Variants in RNF17 observed in about 807,000 individuals in gnomAD.
The protein encoded by RNF17 is ring finger protein 17, also known as spermatogenesis associated 23.
In RNF17, 31 loss-of-function variants were observed where a neutral mutation model predicts 200.5. The ratio of observed to expected loss-of-function variants is 0.15; its 90% CI spans 0.12 to 0.21. RNF17 has a LOEUF of 0.21. Among genes scored for constraint, RNF17 ranks in the 10% least tolerant of loss-of-function variants. The pLI, the probability that RNF17 is intolerant of heterozygous loss-of-function variation, is 1.00. For missense variants in RNF17, 1,628 were observed against 1,905.1 expected, an observed-to-expected ratio of 0.85 and a Z score of 2.71; for synonymous variants, 606 against 637.8, an observed-to-expected ratio of 0.95 and a Z score of 0.75.
chr13:24,870,623 G>T lies in RNF17; in HGVS notation c.4331G>T (p.Ser1444Ile), dbSNP rs1332479928. ...IETSNQSNQH[S>I]DTDDSGVSGE... ...ACTTCTAACCAGTCTAACCAGCATA[G>T]TGACACAGATGATAGTGGAGTCAGC... is the stretch of plus-strand genomic sequence containing the variant. Residue 1444 changes from serine (S) to isoleucine (I), a missense_variant, in exon 32 of 36, where the codon AGT (serine) becomes ATT (isoleucine). Ser to Ile is a moderately radical substitution (Grantham distance 142). Around this residue, in one of 5 missense-constraint regions of RNF17, gnomAD observed 609 missense variants for 681.9 expected, o/e 0.89. Coordinates refer to ENST00000255324, the MANE Select transcript of RNF17 (RefSeq NM_031277.3). The T allele has an allele frequency of 1.2e-6, 2 of 1,613,958 alleles. No individual in the cohort carries two copies. The highest frequency in any genetic ancestry group is 1.1e-5 in the South Asian group (1 of 91,070).
At chr13:24,781,749 G>C (rs1882401163) in intron 5 of RNF17, 95 bp from the exon 6 acceptor site, 9 of 735,754 alleles carry the variant, frequency 1.2e-5, no homozygotes, top group Non-Finnish European at 2.0e-5. Flanking sequence ...TTATTTTGAA[G>C]AGTCTAGAAA....
Position 24,809,619 on chromosome 13 carries a change from G to T in RNF17, c.2091+5190G>T, listed in dbSNP as rs894121283. 2.4e-3 allele frequency among the ~76,000 whole-genome samples: 367 copies of T among 151,976 alleles called. 4 individuals carry two copies. The highest frequency in any genetic ancestry group is 1.7e-3 in the East Asian group (9 of 5,172). On this transcript the variant is annotated intron_variant, in intron 15 of 35. Coordinates refer to ENST00000255324, the MANE Select transcript of RNF17 (RefSeq NM_031277.3). The stretch of plus-strand genomic sequence containing the variant: ...CCTGGATTCATTAATTTTTTGAAGG[G>T]TTTTTTGTGTCTCTATTTCCTTCAG...
At chr13:24,876,934 T>G (rs902636676) in intron 33 of RNF17, 63 bp from the exon 34 acceptor site, 6 of 1,357,348 alleles carry the variant, frequency 4.4e-6, no homozygotes, top group Non-Finnish European at 5.0e-6. Context: ...CTATGTTTTC[T>G]TCTAAGAATT....
chr13:24,789,079 G>C (rs2137621285), intron 7 of RNF17, among the ~76,000 whole-genome samples: 1 of 152,220 alleles, frequency 6.6e-6, no homozygotes, highest in South Asian at 2.1e-4. Flanking sequence ...GAAAACTCTT[G>C]AAGATAGCAG....
Position 24,879,293 on chromosome 13 carries a change from A to C in RNF17, c.*8A>C. The C allele has an allele frequency of 6.4e-7, 1 of 1,573,160 alleles. No homozygotes were observed. The highest frequency in any genetic ancestry group is 8.7e-7 in the Non-Finnish European group (1 of 1,142,972). On this transcript the variant is annotated splice_region_variant and 3_prime_UTR_variant, in exon 35 of 36. Transcript: ENST00000255324. ...GCAGATAAAGATGAATAAGTGCCTA[A>C]GTGTAAGTTCTCATTCTCTTCATAG...
At position 24,830,420 on chromosome 13, in the gene RNF17, A is replaced by G. The variant is rs752965954; in HGVS notation, c.2246-64A>G. The G allele has an allele frequency of 7.5e-5, 71 of 952,858 alleles. No homozygotes were observed. In the African/African-American group the frequency reaches 7.8e-4, roughly 10 times the overall value. 59.0% of individuals were successfully genotyped at this position (952,858 alleles called of 1,614,324 possible). A position where few individuals can be genotyped will look rare whatever the true frequency, so the allele number is the denominator to read the frequency against. ...TTCTAATCTAGTTGGCCATAAACCA[A>G]TCTAAATTTTTCTAGATAATTCTGT... On this transcript the variant is annotated intron_variant, in intron 16 of 35. Coordinates refer to ENST00000255324, the MANE Select transcript of RNF17 (RefSeq NM_031277.3).
the RNF17 span, among the ~76,000 whole-genome samples, chr13:24,758,561 A>G: frequency 6.6e-6 from 1 of 152,170 alleles, no homozygotes; most frequent in Non-Finnish European, 1.5e-5. Flanking sequence ...CTCACCCAAT[A>G]CAAAGCACAA....
intron 32 of RNF17, 41 bp downstream of exon 32, chr13:24,870,780 A>G: frequency 6.4e-7 from 1 of 1,570,834 alleles, no homozygotes; most frequent in Non-Finnish European, 8.7e-7. Context: ...TACTTAATAA[A>G]ACTTGGATTT....
At chr13:24,885,373 C>T in the RNF17 span, 1 of 1,612,722 alleles carries the variant, frequency 6.2e-7, no homozygotes, top group East Asian at 2.2e-5. Flanking sequence ...AAGTGGCTCC[C>T]TGGGAGAGGC....
At chr13:24,878,178 T>C (rs1309360940) in intron 34 of RNF17, among the ~76,000 whole-genome samples, 1 of 152,186 alleles carries the variant, frequency 6.6e-6, no homozygotes, top group East Asian at 1.9e-4. Flanking sequence ...ACACACTGGC[T>C]ATGACAAAAA....
downstream of RNF17, chr13:24,884,287 G>T: frequency 6.2e-7 from 1 of 1,613,978 alleles, no homozygotes. Context: ...TCCAGAGATG[G>T]TTAAACTATG....
intron 32 of RNF17, among the ~76,000 whole-genome samples, chr13:24,871,633 C>CTTT (rs143831233): frequency 1.9e-4 from 25 of 128,522 alleles, no homozygotes; most frequent in African/African-American, 5.9e-4. Context: ...CTTGCCCAGC[C>CTTT]TTTTTTTTTT....
At position 24,851,663 on chromosome 13, in the gene RNF17, G is replaced by C. The variant is rs990012232; in HGVS notation, c.3320+92G>C. 5 of 729,078 alleles carry C rather than the reference G, an allele frequency of 6.9e-6. No homozygotes were observed. In the African/African-American group the frequency reaches 9.1e-5, roughly 13 times the overall value. The allele number at this position is 729,078 out of a possible 1,614,324, so 45.2% of individuals were successfully genotyped here. ...TTATGTGTGCTTTCAAGTCTGAATT[G>C]CATCTTGTTTGCTCTTAAAGATTTA... On this transcript the variant is annotated intron_variant, in intron 24 of 35. Coordinates refer to ENST00000255324, the MANE Select transcript of RNF17 (RefSeq NM_031277.3).
intron 2 of RNF17, among the ~76,000 whole-genome samples, chr13:24,774,119 G>C (rs1325878296): frequency 6.6e-6 from 1 of 152,028 alleles, no homozygotes; most frequent in African/African-American, 2.4e-5. Context: ...GGGCCACAGT[G>C]GACTTTAGGA....
chr13:24,872,979 T>G (rs1215179768), intron 32 of RNF17, among the ~76,000 whole-genome samples: 1 of 152,258 alleles, frequency 6.6e-6, no homozygotes, highest in Non-Finnish European at 1.5e-5. Context: ...AACAGACAAC[T>G]GAAGAAGCCT....
At chr13:24,885,795 C>CTT in the RNF17 span, 2 of 725,654 alleles carry the variant, frequency 2.8e-6, no homozygotes, top group East Asian at 2.7e-5. Flanking sequence ...TTAAGGATGT[C>CTT]TTAATATTTT....
upstream of RNF17, among the ~76,000 whole-genome samples, chr13:24,763,517 C>T (rs1166549378): frequency 6.6e-6 from 1 of 151,998 alleles, no homozygotes; most frequent in Non-Finnish European, 1.5e-5. Context: ...GCGCCGGGCC[C>T]AGAAGGCTAA....
chr13:24,771,038 C>A (rs895421681), intron 2 of RNF17, among the ~76,000 whole-genome samples: 3 of 152,300 alleles, frequency 2.0e-5, no homozygotes, highest in Middle Eastern at 3.4e-3. Context: ...AGTTGAGCAA[C>A]TTTTCATATG....
intron 26 of RNF17, among the ~76,000 whole-genome samples, chr13:24,860,940 C>T (rs1893031225): frequency 1.3e-5 from 2 of 151,356 alleles, no homozygotes; most frequent in African/African-American, 4.9e-5. Flanking sequence ...TGCAGTGGCA[C>T]AGTCACAGCT....
Sources: allele counts gnomAD v4.1 joint callset (sites outside exome capture counted in the v4.1 genomes callset), GRCh38; gene constraint gnomAD v4.1.1; regional missense constraint gnomAD v4.1.1; transcripts MANE v1.5; gene names NCBI Gene and HGNC (gene_info 2026-07-23, HGNC 2026-07-21).